The following ARL15 variants were observed in gnomAD, a reference collection of about 807,000 sequenced individuals.
ARL15 encodes ADP-ribosylation factor-like protein 15.
Under a neutral mutation model 25.2 loss-of-function variants are expected in ARL15, and 19 were observed. The observed-to-expected ratio is 0.75, with a 90% CI of 0.53 to 1.10. ARL15 has a LOEUF of 1.10. ARL15 is among the 50% of genes least tolerant of loss of function. The pLI is 0.00. For synonymous variants in ARL15, 94 were observed against 86.8 expected (o/e 1.08, Z -0.46); for missense variants, 220 against 246.0 (o/e 0.89, Z 0.71).
rs139835116 is a variant in ARL15 at position 54,145,631 on chromosome 5, C to CGT, written c.253+8947_253+8948dup. Among the ~76,000 whole-genome samples the CGT allele has an allele frequency of 1.7e-3, 252 of 151,244 alleles. 2 individuals carry two copies. The highest frequency in any genetic ancestry group is 8.0e-3 in the Admixed American group (121 of 15,218). On this transcript the variant is annotated intron_variant, in intron 3 of 4. Transcript: ENST00000504924. ...GATGGTGTGTGTGTGTGTGTGCGTGCGTGTGTGTGTGTGTTCACCCACACC... is the reference window on the plus strand; with the variant it reads ...GATGGTGTGTGTGTGTGTGTGCGTGCGTGTGTGTGTGTGTGTTCACCCACACC...
chr5:54,056,059 A>G (rs567431989), intron 4 of ARL15, among the ~76,000 whole-genome samples: 21 of 152,306 alleles, frequency 1.4e-4, no homozygotes, highest in African/African-American at 5.1e-4. Context: ...CAAAAGGAGT[A>G]TGCATACTGT....
chr5:54,141,094 C>G (rs551068406), intron 3 of ARL15, among the ~76,000 whole-genome samples: 1 of 152,118 alleles, frequency 6.6e-6, no homozygotes, highest in Non-Finnish European at 1.5e-5. Context: ...CGGCATGAAC[C>G]ACAACTGGGT....
intron 4 of ARL15, among the ~76,000 whole-genome samples, chr5:54,066,426 A>C (rs190241839): frequency 2.6e-5 from 4 of 152,338 alleles, no homozygotes; most frequent in Non-Finnish European, 5.9e-5. Flanking sequence ...AAATGCTTAG[A>C]TGTTATATAG....
At chr5:54,137,318 G>A (rs1441241488) in intron 3 of ARL15, among the ~76,000 whole-genome samples, 3 of 152,084 alleles carry the variant, frequency 2.0e-5, no homozygotes, top group Non-Finnish European at 4.4e-5. Flanking sequence ...CTCCCTGGAC[G>A]AGATTCCCAG....
At chr5:54,184,423 AC>A (rs1333302817) in intron 1 of ARL15, among the ~76,000 whole-genome samples, 2 of 138,772 alleles carry the variant, frequency 1.4e-5, no homozygotes, top group Admixed American at 1.5e-4. Context: ...AGCCTAGGCA[AC>A]AGTAACACTG....
At chr5:53,934,403 A>G (rs1355041901) in intron 4 of ARL15, among the ~76,000 whole-genome samples, 1 of 147,678 alleles carries the variant, frequency 6.8e-6, no homozygotes, top group Non-Finnish European at 1.5e-5. Flanking sequence ...TGTTTAACTG[A>G]AATTCTAGGG....
chr5:54,147,212 T>G (rs756932284), intron 3 of ARL15, among the ~76,000 whole-genome samples: 1 of 152,172 alleles, frequency 6.6e-6, no homozygotes, highest in Admixed American at 6.5e-5. Context: ...CCTGGTTCTT[T>G]TCCTTGATAA....
intron 1 of ARL15, among the ~76,000 whole-genome samples, chr5:54,295,789 C>T (rs765443565): frequency 2.0e-5 from 3 of 152,134 alleles, no homozygotes; most frequent in African/African-American, 4.8e-5. Context: ...CCCAATAAAT[C>T]GTCCCAATGC....
chr5:54,184,261 C>CAAAAAAAAAAAAAAA (rs201681698), intron 1 of ARL15, among the ~76,000 whole-genome samples: 1 of 117,054 alleles, frequency 8.5e-6, no homozygotes, highest in Non-Finnish European at 1.7e-5. Flanking sequence ...AAAAAAAAAT[C>CAAAAAAAAAAAAAAA]AAAAAAAAAA....
chr5:53,898,857 C>A (rs1385231322), intron 4 of ARL15, among the ~76,000 whole-genome samples: 5 of 151,734 alleles, frequency 3.3e-5, no homozygotes, highest in Non-Finnish European at 5.9e-5. Context: ...TTTCATCATG[C>A]TGCCCAGGCT....
At chr5:54,046,674 A>G (rs1157450256) in intron 4 of ARL15, among the ~76,000 whole-genome samples, 1 of 152,226 alleles carries the variant, frequency 6.6e-6, no homozygotes, top group African/African-American at 2.4e-5. Flanking sequence ...GGAGATGATC[A>G]TGTTAGAATC....
At chr5:53,910,864 G>A (rs917738420) in intron 4 of ARL15, among the ~76,000 whole-genome samples, 14 of 151,504 alleles carry the variant, frequency 9.2e-5, no homozygotes, top group Admixed American at 2.6e-4. Context: ...TTGGAGTAGG[G>A]TTGAGCATTA....
At chr5:53,973,619 C>CTA (rs1262278597) in intron 4 of ARL15, among the ~76,000 whole-genome samples, 1 of 150,848 alleles carries the variant, frequency 6.6e-6, no homozygotes, top group Non-Finnish European at 1.5e-5. Context: ...TGCCATGTAC[C>CTA]TATAGTCTTT....
chr5:53,903,906 A>G (rs1269413056), intron 4 of ARL15, among the ~76,000 whole-genome samples: 1 of 152,178 alleles, frequency 6.6e-6, no homozygotes, highest in Non-Finnish European at 1.5e-5. Flanking sequence ...TCCTGGCCCT[A>G]TGGAGCTTAC....
chr5:54,302,683 A>ATCTTTTT (rs1758645256), intron 1 of ARL15, among the ~76,000 whole-genome samples: 1 of 77,850 alleles, frequency 1.3e-5, no homozygotes, highest in Admixed American at 2.1e-4. Context: ...TAAAATTAAG[A>ATCTTTTT]TTTTTTTTTT....
At chr5:54,159,283 A>G (rs1447837843) in intron 2 of ARL15, among the ~76,000 whole-genome samples, 1 of 152,168 alleles carries the variant, frequency 6.6e-6, no homozygotes, top group African/African-American at 2.4e-5. Flanking sequence ...GGAGGGAAAA[A>G]GTGTTCAACT....
At chr5:54,039,070 T>C (rs1167217981) in intron 4 of ARL15, among the ~76,000 whole-genome samples, 1 of 152,194 alleles carries the variant, frequency 6.6e-6, no homozygotes. Flanking sequence ...TCTCTGCGAT[T>C]CCAGCAATCA....
intron 3 of ARL15, among the ~76,000 whole-genome samples, chr5:54,120,745 T>C (rs1753047165): frequency 6.6e-6 from 1 of 152,122 alleles, no homozygotes; most frequent in South Asian, 2.1e-4. Context: ...GTGGCAAGAC[T>C]AGAAAAGCTA....
chr5:53,987,516 T>G (rs1382368928), intron 4 of ARL15, among the ~76,000 whole-genome samples: 1 of 151,942 alleles, frequency 6.6e-6, no homozygotes, highest in Non-Finnish European at 1.5e-5. Context: ...CATTCTGAAT[T>G]ATTTTGAGTA....
Sources: gnomAD v4.1 joint callset for allele counts (sites outside exome capture counted in the v4.1 genomes callset) on GRCh38, gnomAD v4.1.1 for gene constraint, MANE v1.5 for transcripts, NCBI Gene and HGNC (gene_info 2026-07-23, HGNC 2026-07-21) for gene names.